Variants in ERCC6L2 observed in about 807,000 individuals in gnomAD.
The protein encoded by ERCC6L2 is ERCC excision repair 6 like 2, also known as DNA excision repair protein ERCC-6-like 2.
A neutral mutation model predicts 132.0 loss-of-function variants in ERCC6L2; 77 were observed. That is an observed-to-expected ratio of 0.58 (90% CI 0.49 to 0.71). The LOEUF (loss-of-function observed/expected upper bound fraction) is 0.71, where lower values mean the gene tolerates loss of function less well. Ranked by LOEUF, ERCC6L2 falls within the 30% of genes least tolerant of loss-of-function variation. The pLI is 0.00. For synonymous variants in ERCC6L2, 583 were observed against 632.4 expected (o/e 0.92, Z 1.17); for missense variants, 1,542 against 1,837.6 (o/e 0.84, Z 2.94).
At chr9:95,937,108 A>G (rs1830591808) in intron 11 of ERCC6L2, among the ~76,000 whole-genome samples, 1 of 152,216 alleles carries the variant, frequency 6.6e-6, no homozygotes, top group African/African-American at 2.4e-5. Context: ...TTGTTTGAAC[A>G]TTAGTTTTCA....
At chr9:96,026,542 G>A (rs1156239379) in intron 19 of ERCC6L2, among the ~76,000 whole-genome samples, 2 of 151,740 alleles carry the variant, frequency 1.3e-5, no homozygotes, top group African/African-American at 2.4e-5. Context: ...CACCCCATGC[G>A]GAGCAGGGGC....
At chr9:95,892,543 C>T (rs1828228547) in intron 2 of ERCC6L2, among the ~76,000 whole-genome samples, 1 of 151,622 alleles carries the variant, frequency 6.6e-6, no homozygotes, top group African/African-American at 2.4e-5. Context: ...ATGCCTCAGC[C>T]TCCCAAGTAG....
In ERCC6L2 at chr9:95,924,235, C is replaced by G. The variant is rs1336261942; in HGVS notation, c.1533+856C>G. Among the ~76,000 whole-genome samples the G allele has an allele frequency of 3.3e-5, 5 of 151,290 alleles. No individual in the cohort carries two copies. The East Asian group carries it at 9.7e-4, about 29-fold the overall frequency. ...TATAGAAATACTTTTAGCAATTGATCTAGATAAGTTCATCATGGTTTAGTT... is the reference window on the plus strand; with the variant it reads ...TATAGAAATACTTTTAGCAATTGATGTAGATAAGTTCATCATGGTTTAGTT... On this transcript the variant is annotated intron_variant, in intron 9 of 18. Coordinates refer to ENST00000653738, the MANE Select transcript of ERCC6L2 (RefSeq NM_020207.7).
chr9:95,984,509 C>G (rs774577091), intron 17 of ERCC6L2, among the ~76,000 whole-genome samples: 37 of 151,884 alleles, frequency 2.4e-4, no homozygotes, highest in Admixed American at 3.9e-4. Flanking sequence ...CAAAGTCTGC[C>G]CTAGTTCTTC....
intron 4 of ERCC6L2, among the ~76,000 whole-genome samples, chr9:95,911,055 T>C (rs1287169949): frequency 6.6e-6 from 1 of 152,116 alleles, no homozygotes; most frequent in Non-Finnish European, 1.5e-5. Flanking sequence ...CCACCATGCC[T>C]GGAAAATGTT....
At chr9:95,981,441 G>C (rs905484256) in intron 17 of ERCC6L2, among the ~76,000 whole-genome samples, 2 of 152,086 alleles carry the variant, frequency 1.3e-5, no homozygotes, top group Admixed American at 1.3e-4. Context: ...TTTTATAAAT[G>C]TTCTGTCTCT....
chr9:95,901,021 C>A (rs550828119), intron 3 of ERCC6L2, among the ~76,000 whole-genome samples: 2 of 151,612 alleles, frequency 1.3e-5, no homozygotes, highest in Non-Finnish European at 2.9e-5. Context: ...CTGCAGTGAG[C>A]CATGACTGTG....
intron 2 of ERCC6L2, among the ~76,000 whole-genome samples, chr9:95,885,108 AT>A (rs957991011): frequency 9.9e-5 from 15 of 151,786 alleles, no homozygotes; most frequent in African/African-American, 3.4e-4. Flanking sequence ...CAGGTTGCAG[AT>A]TTTTTTTTGT....
At chr9:96,021,067 G>T (rs1006027157), downstream of ERCC6L2, 1 of 448,486 alleles carries the variant, frequency 2.2e-6, no homozygotes, top group Non-Finnish European at 4.5e-6. This position sits in a 1 kb window ranked among gnomAD's most constrained non-coding sequence, Gnocchi z 4.7. Context: ...GGCACCGCCT[G>T]CGCCGGGCAC....
chr9:96,016,695 G>T lies in ERCC6L2; in HGVS notation c.*3492G>T, dbSNP rs1242675217. Among the ~76,000 whole-genome samples the T allele has an allele frequency of 6.6e-6, 1 of 152,208 alleles. No homozygotes were observed. The highest frequency in any genetic ancestry group is 1.5e-5 in the Non-Finnish European group (1 of 68,040). ...GGTTATTTTCTAATTAAAGTTCAAT[G>T]TGTACGCTTTTAAATTCTGAAGTTA... On this transcript the variant is annotated 3_prime_UTR_variant, in exon 19 of 19. Coordinates refer to ENST00000653738, the MANE Select transcript of ERCC6L2 (RefSeq NM_020207.7).
At chr9:95,933,347 A>G (rs1830421888) in intron 11 of ERCC6L2, among the ~76,000 whole-genome samples, 1 of 152,174 alleles carries the variant, frequency 6.6e-6, no homozygotes, top group African/African-American at 2.4e-5. Flanking sequence ...CTTAGAGTTC[A>G]GTCAAGTCTC....
Position 96,015,021 on chromosome 9 carries a change from T to TTTTTTTG in ERCC6L2, c.*1824_*1825insGTTTTTT. On this transcript the variant is annotated 3_prime_UTR_variant, in exon 19 of 19. Coordinates refer to ENST00000653738, the MANE Select transcript of ERCC6L2 (RefSeq NM_020207.7). ...TAGTCTTCATATATGTACAGTTTTT[T>TTTTTTTG]TTTTTTTTTTTTTTTTTTTGAGATT... Among the ~76,000 whole-genome samples, 1 of 121,050 alleles carries TTTTTTTG rather than the reference T, an allele frequency of 8.3e-6. No individual in the cohort carries two copies. The highest frequency in any genetic ancestry group is 3.6e-5 in the African/African-American group (1 of 27,636). The allele number at this position is 121,050 out of a possible 152,430, so 79.4% of individuals were successfully genotyped here. A position where few individuals can be genotyped will look rare whatever the true frequency, so the allele number is the denominator to read the frequency against.
intron 19 of ERCC6L2, among the ~76,000 whole-genome samples, chr9:96,023,564 G>A (rs1188310707): frequency 7.2e-5 from 11 of 152,068 alleles, no homozygotes. Flanking sequence ...TGTTTTTGAT[G>A]TTTTCTATAT....
chr9:95,944,263 A>T (rs1159788753), intron 12 of ERCC6L2, among the ~76,000 whole-genome samples: 1 of 152,254 alleles, frequency 6.6e-6, no homozygotes, highest in Non-Finnish European at 1.5e-5. Context: ...ACATGAAATA[A>T]GCCAGATATG....
intron 13 of ERCC6L2, among the ~76,000 whole-genome samples, chr9:95,962,227 T>A (rs1457306978): frequency 1.3e-5 from 2 of 152,100 alleles, no homozygotes; most frequent in East Asian, 1.9e-4. Context: ...AAAGCTTTTT[T>A]AAAAAATGCA....
chr9:95,936,402 T>C (rs1432951863), intron 11 of ERCC6L2, among the ~76,000 whole-genome samples: 1 of 152,222 alleles, frequency 6.6e-6, no homozygotes, highest in African/African-American at 2.4e-5. Context: ...AGTGTAACTC[T>C]TGGCTCTCTC....
At position 95,921,242 on chromosome 9, in the gene ERCC6L2, T is replaced by A; in HGVS notation, c.1226T>A (p.Val409Glu). The A allele has an allele frequency of 6.2e-7, 1 of 1,613,626 alleles. No individual in the cohort carries two copies. Among genetic ancestry groups the A allele is most frequent in the African/African-American group, 1.3e-5 (1 of 75,040 alleles). The stretch of plus-strand genomic sequence containing the variant: ...CAAACAGTGTTAGAAACAGAGGACG[T>A]GACTTTGATACTTCAATCTTCTGAG... ...VYQTVLETED[V>E]TLILQSSEPC... is the part of the protein sequence containing the mutation. Residue 409 changes from valine to glutamate, a missense_variant, in exon 7 of 19, where the codon GTG becomes GAG. Physicochemically the swap from Val to Glu is moderately radical, Grantham distance 121 (BLOSUM62 -2). Transcript: ENST00000653738.
chr9:95,959,402 C>T (rs1045053481), intron 13 of ERCC6L2, among the ~76,000 whole-genome samples: 74 of 151,656 alleles, frequency 4.9e-4, no homozygotes, highest in African/African-American at 1.6e-3. Context: ...AAGACTTAAA[C>T]GTTAGACCTA....
At chr9:95,934,332 T>A (rs1297134428) in intron 11 of ERCC6L2, among the ~76,000 whole-genome samples, 1 of 152,152 alleles carries the variant, frequency 6.6e-6, no homozygotes, top group Non-Finnish European at 1.5e-5. Context: ...GCAGCTGGAA[T>A]CTTCAACTCA....
Sources: gnomAD v4.1 joint callset for allele counts (sites outside exome capture counted in the v4.1 genomes callset) on GRCh38, gnomAD v4.1.1 for gene constraint, Gnocchi (gnomAD v3.1) non-coding constraint, MANE v1.5 for transcripts, NCBI Gene and HGNC (gene_info 2026-07-23, HGNC 2026-07-21) for gene names.